Variants in FRMD4B observed in about 807,000 individuals in gnomAD.
FRMD4B encodes the protein FERM domain-containing protein 4B.
FRMD4B carries 74 observed loss-of-function variants against 141.5 expected under a neutral mutation model. That is an observed-to-expected ratio of 0.52 (90% CI 0.43 to 0.63). The LOEUF (loss-of-function observed/expected upper bound fraction) is 0.63. Ranked by LOEUF, FRMD4B falls within the 30% of genes least tolerant of loss-of-function variation. FRMD4B has a pLI of 0.00. For missense variants in FRMD4B, 1,366 were observed against 1,253.4 expected (o/e 1.09, Z -1.36); for synonymous variants, 506 against 467.9 (o/e 1.08, Z -1.05).
intron 5 of FRMD4B, among the ~76,000 whole-genome samples, chr3:69,280,570 A>T (rs1269701290): frequency 6.6e-6 from 1 of 152,166 alleles, no homozygotes; most frequent in Non-Finnish European, 1.5e-5. Context: ...ATTAAAGGAA[A>T]GAGGGAGTTT....
At chr3:69,203,950 C>T (rs550738866) in intron 11 of FRMD4B, among the ~76,000 whole-genome samples, 1 of 152,336 alleles carries the variant, frequency 6.6e-6, no homozygotes, top group East Asian at 1.9e-4. Flanking sequence ...CTGTGTCACT[C>T]AGACTTCCAA....
chr3:69,508,064 G>C (rs768171911), intron 1 of FRMD4B, among the ~76,000 whole-genome samples: 2 of 152,078 alleles, frequency 1.3e-5, no homozygotes, highest in Non-Finnish European at 2.9e-5. Context: ...AGAAGCAATA[G>C]TTTTGCTTCC....
At chr3:69,348,395 T>C (rs1240646595) in intron 1 of FRMD4B, among the ~76,000 whole-genome samples, 1 of 152,198 alleles carries the variant, frequency 6.6e-6, no homozygotes, top group Non-Finnish European at 1.5e-5. Context: ...AGCCAAATTC[T>C]ACCAGAGGTA....
At position 69,311,329 on chromosome 3, in the gene FRMD4B, T is replaced by G; in HGVS notation, c.257A>C (p.Asp86Ala). Residue 86 changes from aspartate (D) to alanine (A), a missense_variant, in exon 3 of 23, where the codon GAC (aspartate) becomes GCC (alanine). Coordinates refer to ENST00000398540, the MANE Select transcript of FRMD4B (RefSeq NM_015123.3). ...QPKLLARELL[D>A]LVASHFNLKE... The stretch of plus-strand genomic sequence containing the variant: ...CAGGTTGAAATGTGAAGCCACTAGG[T>G]CCAGCAACTCTCTTGCTAGAAGTTT... 6.2e-7 allele frequency: 1 copy of G among 1,602,560 alleles called. No individual in the cohort carries two copies. Among genetic ancestry groups the G allele is most frequent in the Non-Finnish European group, 8.5e-7 (1 of 1,170,280 alleles).
chr3:69,366,512 C>T (rs983398819), intron 1 of FRMD4B, among the ~76,000 whole-genome samples: 4 of 130,594 alleles, frequency 3.1e-5, no homozygotes, highest in African/African-American at 1.2e-4. Flanking sequence ...GGTGATCTCA[C>T]CTCTGTAAAA....
intron 3 of FRMD4B, among the ~76,000 whole-genome samples, chr3:69,306,193 T>C (rs968273075): frequency 1.3e-5 from 2 of 152,234 alleles, no homozygotes; most frequent in African/African-American, 4.8e-5. Flanking sequence ...AGGTTACTTA[T>C]TGCTTATAAC....
chr3:69,233,319 GAAC>G (rs2093323457), intron 7 of FRMD4B, among the ~76,000 whole-genome samples: 1 of 151,500 alleles, frequency 6.6e-6, no homozygotes, highest in African/African-American at 2.4e-5. Flanking sequence ...TTGTCTCTAT[GAAC>G]AATACAGAAA....
At chr3:69,304,737 G>A (rs964604050) in intron 3 of FRMD4B, among the ~76,000 whole-genome samples, 2 of 152,090 alleles carry the variant, frequency 1.3e-5, no homozygotes, top group African/African-American at 2.4e-5. Flanking sequence ...ATTTTAGGCT[G>A]TAAATTCCCA....
chr3:69,468,163 T>C (rs1441533614), intron 1 of FRMD4B, among the ~76,000 whole-genome samples: 1 of 152,228 alleles, frequency 6.6e-6, no homozygotes, highest in East Asian at 1.9e-4. Flanking sequence ...ATTTAAAGTT[T>C]TTTTTTAAAT....
intron 7 of FRMD4B, chr3:69,228,551 C>T (rs772154485): frequency 1.1e-5 from 5 of 435,100 alleles, no homozygotes; most frequent in Non-Finnish European, 1.9e-5. Flanking sequence ...TAAGTCAGAG[C>T]TCGCTGGGCA....
intron 1 of FRMD4B, among the ~76,000 whole-genome samples, chr3:69,337,890 A>T (rs998741169): frequency 4.6e-5 from 7 of 152,222 alleles, no homozygotes; most frequent in African/African-American, 1.7e-4. Flanking sequence ...ATTGTGGAAG[A>T]CAGTGTGGCG....
At chr3:69,182,237 C>T (rs982954454) in intron 20 of FRMD4B, among the ~76,000 whole-genome samples, 2 of 152,108 alleles carry the variant, frequency 1.3e-5, no homozygotes, top group African/African-American at 4.8e-5. Context: ...TAATATCTAC[C>T]TCACAAAAGG....
chr3:69,362,736 AAACT>A (rs1327595376), intron 1 of FRMD4B, among the ~76,000 whole-genome samples: 9 of 149,488 alleles, frequency 6.0e-5, no homozygotes, highest in African/African-American at 1.7e-4. Context: ...AAACAAAAAC[AAACT>A]ATCATGTTAA....
chr3:69,499,324 G>C (rs1248021257), intron 1 of FRMD4B, among the ~76,000 whole-genome samples: 2 of 152,148 alleles, frequency 1.3e-5, no homozygotes, highest in East Asian at 3.9e-4. Context: ...GTTCCTGCTA[G>C]GTCCTGTGTG....
At chr3:69,172,458 T>C (rs1248170436) in intron 22 of FRMD4B, among the ~76,000 whole-genome samples, 1 of 152,218 alleles carries the variant, frequency 6.6e-6, no homozygotes, top group Non-Finnish European at 1.5e-5. Context: ...CACTTATTAA[T>C]GAGTTAAACA....
intron 1 of FRMD4B, among the ~76,000 whole-genome samples, chr3:69,506,430 C>T (rs547154524): frequency 1.3e-5 from 2 of 149,928 alleles, no homozygotes; most frequent in East Asian, 3.9e-4. Flanking sequence ...TCCTGGAACC[C>T]AAGTGTAAAA....
At chr3:69,390,125 G>GA (rs1704349381), upstream of FRMD4B, among the ~76,000 whole-genome samples, 1 of 152,170 alleles carries the variant, frequency 6.6e-6, no homozygotes, top group Non-Finnish European at 1.5e-5. Context: ...CTGGCAGGAA[G>GA]AAGAGCATGA....
chr3:69,380,496 G>A (rs1401638161), intron 1 of FRMD4B, among the ~76,000 whole-genome samples: 2 of 152,148 alleles, frequency 1.3e-5, no homozygotes, highest in Admixed American at 6.5e-5. Flanking sequence ...CAGGAACAGT[G>A]CTAAGTGATA....
chr3:69,207,622 A>T (rs2093036478), intron 11 of FRMD4B, among the ~76,000 whole-genome samples: 1 of 152,114 alleles, frequency 6.6e-6, no homozygotes, highest in Non-Finnish European at 1.5e-5. Context: ...ATCTTGGCCA[A>T]CATGGTGAAA....
Sources: allele counts gnomAD v4.1 joint callset (sites outside exome capture counted in the v4.1 genomes callset), GRCh38; gene constraint gnomAD v4.1.1; transcripts MANE v1.5; gene names NCBI Gene and HGNC (gene_info 2026-07-23, HGNC 2026-07-21).